Variants in MGAT4C observed in about 807,000 individuals in gnomAD.
The protein encoded by MGAT4C is alpha-1,3-mannosyl-glycoprotein 4-beta-N-acetylglucosaminyltransferase C.
In MGAT4C, 19 loss-of-function variants were observed where a neutral mutation model predicts 40.1. That is an observed-to-expected ratio of 0.47 (90% CI 0.33 to 0.70). MGAT4C has a LOEUF of 0.70. MGAT4C is among the 30% of genes least tolerant of loss of function. MGAT4C has a pLI of 0.02. For synonymous variants in MGAT4C, 181 were observed against 187.1 expected, an observed-to-expected ratio of 0.97 and a Z score of 0.27; for missense variants, 491 against 563.2, an observed-to-expected ratio of 0.87 and a Z score of 1.30.
At chr12:86,820,996 CAG>C (rs1424004948) in intron 1 of MGAT4C, among the ~76,000 whole-genome samples, 1 of 150,882 alleles carries the variant, frequency 6.6e-6, no homozygotes, top group Non-Finnish European at 1.5e-5. Flanking sequence ...ATATAAGAAA[CAG>C]AAAGCAATTC....
At chr12:86,393,747 T>C (rs1458004624) in intron 3 of MGAT4C, among the ~76,000 whole-genome samples, 2 of 151,592 alleles carry the variant, frequency 1.3e-5, no homozygotes, top group South Asian at 2.1e-4. Context: ...CCCTCCATGA[T>C]GTATGGAGAA....
chr12:86,548,503 C>T (rs1959216971), intron 2 of MGAT4C, among the ~76,000 whole-genome samples: 1 of 152,096 alleles, frequency 6.6e-6, no homozygotes, highest in Non-Finnish European at 1.5e-5. Context: ...CCCGTTTACG[C>T]AGGCTTGGAT....
intron 2 of MGAT4C, among the ~76,000 whole-genome samples, chr12:86,665,950 A>G (rs1410415573): frequency 6.6e-6 from 1 of 152,182 alleles, no homozygotes; most frequent in Non-Finnish European, 1.5e-5. Context: ...AAACCATTAT[A>G]TATGTGGGGT....
chr12:86,443,673 A>C (rs1476045889), intron 2 of MGAT4C, among the ~76,000 whole-genome samples: 1 of 152,134 alleles, frequency 6.6e-6, no homozygotes, highest in Non-Finnish European at 1.5e-5. Context: ...GGCTCACTGC[A>C]AGCTCTTCCT....
At chr12:86,784,612 C>T (rs1951899940) in intron 1 of MGAT4C, among the ~76,000 whole-genome samples, 1 of 149,984 alleles carries the variant, frequency 6.7e-6, no homozygotes, top group Non-Finnish European at 1.5e-5. Flanking sequence ...AGAGGCAGAA[C>T]ATAGGCAAAA....
intron 2 of MGAT4C, among the ~76,000 whole-genome samples, chr12:86,029,132 A>G (rs1487805435): frequency 1.3e-5 from 2 of 151,960 alleles, no homozygotes; most frequent in Admixed American, 1.3e-4. Context: ...TATTATATAC[A>G]TAACCATCAT....
rs181027353 is a variant in MGAT4C at position 86,352,366 on chromosome 12, A to T, written c.-119-18239T>A. 2.3e-3 allele frequency among the ~76,000 whole-genome samples: 355 copies of T among 152,238 alleles called. 1 individual carries two copies. Among genetic ancestry groups the T allele is most frequent in the African/African-American group, 8.4e-3 (348 of 41,572 alleles). ...ATTTAGTATGTAATATACATGGATC[A>T]AAACTGTTACAATAAAGCACAGTAA... On this transcript the variant is annotated intron_variant, in intron 3 of 7. Coordinates refer to the MGAT4C transcript ENST00000548651.
chr12:86,809,246 T>C (rs1469306885), intron 1 of MGAT4C, among the ~76,000 whole-genome samples: 1 of 152,078 alleles, frequency 6.6e-6, no homozygotes, highest in Non-Finnish European at 1.5e-5. Context: ...ATAGAGTTTG[T>C]TCTTTTCCAT....
At chr12:86,832,710 A>G (rs1347895369) in intron 1 of MGAT4C, among the ~76,000 whole-genome samples, 1 of 151,824 alleles carries the variant, frequency 6.6e-6, no homozygotes, top group Non-Finnish European at 1.5e-5. Context: ...ATTAAATGTG[A>G]TATTGTGGGA....
At chr12:86,075,336 C>A (rs1410437486) in intron 1 of MGAT4C, among the ~76,000 whole-genome samples, 1 of 152,150 alleles carries the variant, frequency 6.6e-6, no homozygotes. Context: ...CATGCTGATA[C>A]AACAGATGGG....
In MGAT4C at chr12:86,125,443, C is replaced by T. The variant is rs562945014; in HGVS notation, c.-56-75720G>A. On this transcript the variant is annotated intron_variant, in intron 1 of 4. Coordinates refer to ENST00000611864, the MANE Select transcript of MGAT4C (RefSeq NM_001351288.2). ...ACTGCATCTCTGAACTGATGTGGTT[C>T]AGCCAAGTAAAATAACCATTCCCAT... Among the ~76,000 whole-genome samples the T allele has an allele frequency of 1.8e-4, 28 of 152,222 alleles. No individual in the cohort carries two copies. The East Asian group carries it at 5.2e-3, about 28-fold the overall frequency.
chr12:86,685,673 TTTTTC>T lies in MGAT4C; in HGVS notation c.-229+41531_-229+41535del, dbSNP rs1198469333. The stretch of plus-strand genomic sequence containing the variant: ...TCTTTCTCTCCATGAGCATGAAAGG[TTTTTC>T]CATTTGTTTGTGCCCTCTCTTATTT... On this transcript the variant is annotated intron_variant, in intron 2 of 7. Transcript: ENST00000548651. Among the ~76,000 whole-genome samples, 42 of 152,058 alleles carry T rather than the reference TTTTTC, an allele frequency of 2.8e-4. 1 individual carries two copies. Among genetic ancestry groups the T allele is most frequent in the African/African-American group, 9.9e-4 (41 of 41,394 alleles).
In MGAT4C at chr12:86,719,918, A is replaced by G. The variant is rs573791296; in HGVS notation, c.-229+7291T>C. The stretch of plus-strand genomic sequence containing the variant: ...TATTTTACAGAGATTATCTGTGAGG[A>G]ACAACCTTGGCATCATTAAAAGACT... On this transcript the variant is annotated intron_variant, in intron 2 of 7. Coordinates refer to the MGAT4C transcript ENST00000548651. Among the ~76,000 whole-genome samples the G allele has an allele frequency of 2.0e-5, 3 of 152,326 alleles. No homozygotes were observed. The South Asian group carries it at 6.2e-4, about 32-fold the overall frequency.
Position 86,262,459 on chromosome 12 carries a change from T to C in MGAT4C, c.-57+71606A>G, listed in dbSNP as rs576891430. Among the ~76,000 whole-genome samples, 4 of 152,230 alleles carry C rather than the reference T, an allele frequency of 2.6e-5. No individual in the cohort carries two copies. In the South Asian group the frequency reaches 8.3e-4, roughly 32 times the overall value. ...CAGCTATCCCTTTTCAAAGAAGTCATTCTTGCCTAGCTTATTAAATCAAAT... is the reference window on the plus strand; with the variant it reads ...CAGCTATCCCTTTTCAAAGAAGTCACTCTTGCCTAGCTTATTAAATCAAAT... On this transcript the variant is annotated intron_variant, in intron 4 of 7. Transcript: ENST00000548651.
intron 2 of MGAT4C, among the ~76,000 whole-genome samples, chr12:86,671,238 C>A (rs1360286243): frequency 2.0e-5 from 3 of 152,182 alleles, no homozygotes; most frequent in African/African-American, 7.2e-5. Context: ...AGTTTTTATA[C>A]TCTATTTTCA....
At chr12:86,764,778 A>G (rs918981175) in intron 1 of MGAT4C, among the ~76,000 whole-genome samples, 1 of 152,160 alleles carries the variant, frequency 6.6e-6, no homozygotes, top group Non-Finnish European at 1.5e-5. Context: ...ACCTCTAGCA[A>G]ACTCCAACAG....
intron 1 of MGAT4C, among the ~76,000 whole-genome samples, chr12:86,766,887 A>G (rs1427278623): frequency 5.9e-5 from 9 of 152,138 alleles, no homozygotes; most frequent in African/African-American, 2.2e-4. Flanking sequence ...AGGGAAATTT[A>G]TAGCACTAAA....
chr12:86,152,274 G>T (rs539068922), intron 1 of MGAT4C, among the ~76,000 whole-genome samples: 71 of 152,304 alleles, frequency 4.7e-4, no homozygotes, highest in African/African-American at 1.7e-3. Context: ...CAATTCTGGA[G>T]GCTAGAAGTC....
At chr12:86,151,530 G>A (rs541842420) in intron 1 of MGAT4C, among the ~76,000 whole-genome samples, 3 of 152,024 alleles carry the variant, frequency 2.0e-5, no homozygotes, top group South Asian at 2.1e-4. Flanking sequence ...GGAGAACGGC[G>A]TGAACCCGGA....
Sources: gnomAD v4.1 joint callset for allele counts (sites outside exome capture counted in the v4.1 genomes callset) on GRCh38, gnomAD v4.1.1 for gene constraint, MANE v1.5 for transcripts, NCBI Gene and HGNC (gene_info 2026-07-23, HGNC 2026-07-21) for gene names.